KCNU1: variants seen among roughly 807,000 people sequenced by gnomAD.
KCNU1 encodes the protein potassium calcium-activated channel subfamily U member 1.
In KCNU1, 93 loss-of-function variants were observed where a neutral mutation model predicts 126.8. That is an observed-to-expected ratio of 0.73 (90% CI 0.62 to 0.87). KCNU1 has a LOEUF of 0.87. Among genes scored for constraint, KCNU1 ranks in the 40% least tolerant of loss-of-function variants. The pLI, the probability that KCNU1 is intolerant of heterozygous loss-of-function variation, is 0.00. For synonymous variants in KCNU1, 523 were observed against 494.2 expected (o/e 1.06, Z -0.77); for missense variants, 1,330 against 1,367.1 (o/e 0.97, Z 0.43).
chr8:36,931,328 A>T (rs1007303542), intron 25 of KCNU1, among the ~76,000 whole-genome samples, 183 bp downstream of exon 25: 1 of 152,140 alleles, frequency 6.6e-6, no homozygotes, highest in Non-Finnish European at 1.5e-5. Flanking sequence ...CAGTGTGTTA[A>T]TATGTTATAT....
At chr8:36,884,212 A>C (rs574655898) in intron 19 of KCNU1, among the ~76,000 whole-genome samples, 1 of 152,290 alleles carries the variant, frequency 6.6e-6, no homozygotes, top group East Asian at 1.9e-4. Context: ...ACTTGTGCAA[A>C]CCAGTCTATT....
At position 36,821,072 on chromosome 8, in the gene KCNU1, G is replaced by T. The variant is rs1345059863; in HGVS notation, c.1106+3312G>T. Among the ~76,000 whole-genome samples, 3 of 152,114 alleles carry T rather than the reference G, an allele frequency of 2.0e-5. No homozygotes were observed. In the East Asian group the frequency reaches 5.8e-4, roughly 29 times the overall value. On this transcript the variant is annotated intron_variant, in intron 10 of 26. Transcript: ENST00000399881. ...CTACCAACTTGAAGTAGAAGGGAAAGAAAGAGTTGAAAATGAAAAAAAGAA... is the reference window on the plus strand; with the variant it reads ...CTACCAACTTGAAGTAGAAGGGAAATAAAGAGTTGAAAATGAAAAAAAGAA...
At chr8:36,930,843 C>A in intron 24 of KCNU1, 108 bp from the exon 25 acceptor site, 2 of 663,022 alleles carry the variant, frequency 3.0e-6, no homozygotes, top group Admixed American at 3.3e-5. Context: ...TCTACACCAT[C>A]AGGTCCATGT....
intron 10 of KCNU1, among the ~76,000 whole-genome samples, chr8:36,829,470 A>G (rs1804449883): frequency 6.6e-6 from 1 of 151,734 alleles, no homozygotes; most frequent in Non-Finnish European, 1.5e-5. Flanking sequence ...TAGAGTGACA[A>G]TTTGTATAAT....
chr8:36,887,860 G>T (rs192302088), intron 19 of KCNU1, among the ~76,000 whole-genome samples: 36 of 152,162 alleles, frequency 2.4e-4, no homozygotes, highest in African/African-American at 8.0e-4. Context: ...TTGTAATTTG[G>T]TATCTTATTG....
intron 10 of KCNU1, among the ~76,000 whole-genome samples, chr8:36,825,629 TGTAA>T (rs1349998971): frequency 1.3e-5 from 2 of 152,210 alleles, no homozygotes; most frequent in Non-Finnish European, 2.9e-5. Context: ...AGGCTTTTAG[TGTAA>T]GTGTCACCTG....
chr8:36,898,864 G>A (rs1807303670), intron 19 of KCNU1, among the ~76,000 whole-genome samples: 1 of 152,036 alleles, frequency 6.6e-6, no homozygotes, highest in South Asian at 2.1e-4. Flanking sequence ...CTATCATGAG[G>A]ATTGAGACTT....
intron 19 of KCNU1, among the ~76,000 whole-genome samples, chr8:36,895,159 C>T (rs1175100384): frequency 6.6e-6 from 1 of 151,894 alleles, no homozygotes; most frequent in East Asian, 1.9e-4. Flanking sequence ...ACAATCTCAG[C>T]TCACTGCCCC....
At chr8:36,860,185 C>T (rs976242015) in intron 18 of KCNU1, among the ~76,000 whole-genome samples, 3 of 152,136 alleles carry the variant, frequency 2.0e-5, no homozygotes, top group African/African-American at 7.2e-5. Flanking sequence ...TCAAGTGATT[C>T]TCCTGCCTCA....
At chr8:36,916,987 C>T (rs1808136060) in intron 22 of KCNU1, among the ~76,000 whole-genome samples, 1 of 152,170 alleles carries the variant, frequency 6.6e-6, no homozygotes, top group South Asian at 2.1e-4. Context: ...AAACAAACCT[C>T]TCTTTGGATT....
At chr8:36,793,915 A>G (rs1439914091) in intron 2 of KCNU1, among the ~76,000 whole-genome samples, 1 of 151,998 alleles carries the variant, frequency 6.6e-6, no homozygotes, top group Admixed American at 6.6e-5. Context: ...TTGGCCAGGC[A>G]TGGTGGTGCT....
In KCNU1 at chr8:36,922,611, G is replaced by C. The variant is rs1425784125; in HGVS notation, c.2718G>C (p.Leu906Phe). ...STGTVFSGSF[L>F]DSLLATAFYN... ...GCACTGTTTTTTCCGGCAGCTTCTT[G>C]GATTCTCTGCTGGCCACGGTAAGAA... Residue 906 changes from leucine to phenylalanine, a missense_variant, in exon 24 of 27, where the codon TTG (leucine) becomes TTC (phenylalanine). Physicochemically the swap from Leu to Phe is conservative, Grantham distance 22. Transcript: ENST00000399881. 2 of 1,613,430 alleles carry C rather than the reference G, an allele frequency of 1.2e-6. No individual in the cohort carries two copies.
chr8:36,875,971 G>A (rs1243495682), intron 19 of KCNU1, among the ~76,000 whole-genome samples: 2 of 152,122 alleles, frequency 1.3e-5, no homozygotes, highest in Non-Finnish European at 2.9e-5. Flanking sequence ...TTATTCCTTT[G>A]AGAAATTCTT....
chr8:36,894,534 G>A (rs1293306100), intron 19 of KCNU1, among the ~76,000 whole-genome samples: 1 of 152,060 alleles, frequency 6.6e-6, no homozygotes, highest in Non-Finnish European at 1.5e-5. Context: ...GACATCAGAA[G>A]CAATATCAAT....
chr8:36,791,633 C>G (rs1802904749), intron 2 of KCNU1, among the ~76,000 whole-genome samples: 1 of 152,064 alleles, frequency 6.6e-6, no homozygotes, highest in African/African-American at 2.4e-5. Context: ...GAACTAAGTG[C>G]ACAAATAAAG....
chr8:36,910,348 C>T (rs1026427872), intron 21 of KCNU1, among the ~76,000 whole-genome samples: 2 of 152,154 alleles, frequency 1.3e-5, no homozygotes, highest in Non-Finnish European at 2.9e-5. Context: ...TACTACCGCT[C>T]CTGCTTAAGT....
rs998826917 is a variant in KCNU1 at position 36,930,999 on chromosome 8, G to A, written c.2785G>A (p.Gly929Arg). 1.9e-6 allele frequency: 3 copies of A among 1,609,640 alleles called. No homozygotes were observed. Among genetic ancestry groups the A allele is most frequent in the African/African-American group, 2.7e-5 (2 of 74,826 alleles). The change falls in exon 25 of 27, where the codon GGA becomes AGA. Residue 929 changes from glycine to arginine, a missense_variant. Gly to Arg is a moderately radical substitution (Grantham distance 125). Around this residue, in one of 3 missense-constraint regions of KCNU1, gnomAD observed 1,054 missense variants for 1,053.9 expected, o/e 1.00. Coordinates refer to ENST00000399881, the MANE Select transcript of KCNU1 (RefSeq NM_001031836.3). ...VLELLQMLVT[G>R]GVSSQLEQHL... ...GGAATTGCTTCAGATGCTGGTGACA[G>A]GAGGAGTAAGTTCTCAGCTGGAACA...
Position 36,806,400 on chromosome 8 carries a change from G to A in KCNU1, c.580+20G>A, listed in dbSNP as rs185478017. On this transcript the variant is annotated intron_variant, in intron 5 of 26. Coordinates refer to ENST00000399881, the MANE Select transcript of KCNU1 (RefSeq NM_001031836.3). ...GGCTAGGTAAGTGTGCTCTGGGAAC[G>A]GGTAGCAATATCTATGAATAAAATA... 3.6e-5 allele frequency: 45 copies of A among 1,251,482 alleles called. No homozygotes were observed. Among genetic ancestry groups the A allele is most frequent in the South Asian group, 5.2e-5 (4 of 76,632 alleles). 77.5% of individuals were successfully genotyped at this position (1,251,482 alleles called of 1,614,324 possible).
chr8:36,830,991 G>A (rs1020336547), intron 10 of KCNU1, among the ~76,000 whole-genome samples: 42 of 144,060 alleles, frequency 2.9e-4, no homozygotes, highest in Admixed American at 6.1e-4. Context: ...TCCCACCTAT[G>A]AGTGAGAATA....
Sources: gnomAD v4.1 joint callset for allele counts (sites outside exome capture counted in the v4.1 genomes callset) on GRCh38, gnomAD v4.1.1 for gene constraint, gnomAD v4.1.1 regional missense constraint, MANE v1.5 for transcripts, NCBI Gene and HGNC (gene_info 2026-07-23, HGNC 2026-07-21) for gene names.